The following LRRC4C variants were observed in gnomAD, a reference collection of about 807,000 sequenced individuals.
LRRC4C encodes leucine rich repeat containing 4C.
Under a neutral mutation model 33.6 loss-of-function variants are expected in LRRC4C, and 5 were observed. The ratio of observed to expected loss-of-function variants is 0.15; its 90% CI spans 0.08 to 0.31. The LOEUF (loss-of-function observed/expected upper bound fraction) is 0.31. Among genes scored for constraint, LRRC4C ranks in the 10% least tolerant of loss-of-function variants. The pLI, the probability that LRRC4C is intolerant of heterozygous loss-of-function variation, is 1.00. For synonymous variants in LRRC4C, 329 were observed against 302.0 expected, an observed-to-expected ratio of 1.09 and a Z score of -0.93; for missense variants, 560 against 796.7, an observed-to-expected ratio of 0.70 and a Z score of 3.58.
At chr11:41,347,766 T>C (rs1050825126) in intron 1 of LRRC4C, among the ~76,000 whole-genome samples, 6 of 152,230 alleles carry the variant, frequency 3.9e-5, no homozygotes, top group Non-Finnish European at 8.8e-5. Flanking sequence ...GTTTATCTCC[T>C]ATCCACATTT....
At chr11:40,758,364 G>A (rs1006870117) in intron 2 of LRRC4C, among the ~76,000 whole-genome samples, 2 of 151,946 alleles carry the variant, frequency 1.3e-5, no homozygotes, top group Non-Finnish European at 2.9e-5. Context: ...CTCTCCTCCT[G>A]CTATGTGCAT....
intron 3 of LRRC4C, among the ~76,000 whole-genome samples, chr11:40,592,323 A>C (rs987870998): frequency 2.0e-5 from 3 of 152,212 alleles, no homozygotes; most frequent in Non-Finnish European, 4.4e-5. Context: ...TGCTGTGAGC[A>C]TCATAATCAC....
intron 5 of LRRC4C, among the ~76,000 whole-genome samples, chr11:40,196,719 G>C (rs534850212): frequency 3.9e-5 from 6 of 152,260 alleles, no homozygotes; most frequent in African/African-American, 1.4e-4. Context: ...ATGAACATGG[G>C]CTCTAAGTAC....
At chr11:40,203,552 C>A (rs1409169718) in intron 5 of LRRC4C, among the ~76,000 whole-genome samples, 1 of 152,182 alleles carries the variant, frequency 6.6e-6, no homozygotes, top group Non-Finnish European at 1.5e-5. Context: ...TAGAAGCTCA[C>A]AATTTATTAG....
chr11:40,287,988 C>T (rs1334203694), intron 4 of LRRC4C, among the ~76,000 whole-genome samples: 2 of 152,180 alleles, frequency 1.3e-5, no homozygotes, highest in Non-Finnish European at 2.9e-5. Context: ...ATCTGTTTTT[C>T]TGCAAATCTA....
At chr11:41,222,840 A>C (rs1205680930) in intron 1 of LRRC4C, 1 of 151,404 alleles carries the variant, frequency 6.6e-6, no homozygotes, top group Non-Finnish European at 1.5e-5. Flanking sequence ...CAAAAAAAAA[A>C]AAAAAAAAAA....
intron 2 of LRRC4C, among the ~76,000 whole-genome samples, chr11:40,742,121 C>G (rs997531630): frequency 1.3e-5 from 2 of 151,964 alleles, no homozygotes; most frequent in African/African-American, 4.8e-5. Flanking sequence ...CAAATCAGCC[C>G]AAATCCTGTT....
At chr11:40,267,890 G>A (rs1942398693) in intron 4 of LRRC4C, among the ~76,000 whole-genome samples, 1 of 152,096 alleles carries the variant, frequency 6.6e-6, no homozygotes. Flanking sequence ...GTTATCTACA[G>A]GAACATATTT....
At chr11:40,314,815 CAT>C (rs1265116836) in intron 4 of LRRC4C, among the ~76,000 whole-genome samples, 2 of 152,152 alleles carry the variant, frequency 1.3e-5, no homozygotes, top group South Asian at 2.1e-4. Flanking sequence ...TTAAATACCA[CAT>C]GTTCTCACTC....
At chr11:41,455,174 A>G (rs1024680896) in intron 1 of LRRC4C, among the ~76,000 whole-genome samples, 1 of 152,126 alleles carries the variant, frequency 6.6e-6, no homozygotes, top group African/African-American at 2.4e-5. Context: ...AAATCACTGT[A>G]TGCTGTGCTA....
chr11:40,834,907 GACAGACACACACAC>G (rs1224222717), intron 2 of LRRC4C, among the ~76,000 whole-genome samples: 263 of 45,288 alleles, frequency 5.8e-3, no homozygotes, highest in Non-Finnish European at 0.012. Flanking sequence ...CAGACAGACA[GACAGACACACACAC>G]ACACACACAC....
chr11:40,604,353 G>A lies in LRRC4C; in HGVS notation c.-270+43789C>T, dbSNP rs552888948. 7.9e-5 allele frequency among the ~76,000 whole-genome samples: 12 copies of A among 152,048 alleles called. No individual in the cohort carries two copies. The South Asian group carries it at 2.5e-3, about 32-fold the overall frequency. Reference sequence around the variant, plus strand: ...TTTAAATGATATTATCATATATTGAGTAGTTATAATGTATTGGGTACAATA... The same window carrying A: ...TTTAAATGATATTATCATATATTGAATAGTTATAATGTATTGGGTACAATA... On this transcript the variant is annotated intron_variant, in intron 3 of 6. Coordinates refer to ENST00000528697, the MANE Select transcript of LRRC4C (RefSeq NM_001258419.2).
At chr11:41,452,391 G>C (rs1183092464) in intron 1 of LRRC4C, among the ~76,000 whole-genome samples, 1 of 152,066 alleles carries the variant, frequency 6.6e-6, no homozygotes, top group Non-Finnish European at 1.5e-5. Flanking sequence ...ATCAAAAACA[G>C]ATAAAATATA....
At chr11:40,130,431 T>G (rs1284672198) in intron 6 of LRRC4C, among the ~76,000 whole-genome samples, 2 of 152,200 alleles carry the variant, frequency 1.3e-5, no homozygotes, top group South Asian at 2.1e-4. Context: ...ACAAGTGGTC[T>G]TTTCTTTTCA....
At chr11:41,428,868 AGATGTATGT>A (rs1351035897) in intron 1 of LRRC4C, among the ~76,000 whole-genome samples, 1 of 152,116 alleles carries the variant, frequency 6.6e-6, no homozygotes, top group African/African-American at 2.4e-5. Context: ...CCACAACTGG[AGATGTATGT>A]GACTAAGCAA....
intron 3 of LRRC4C, among the ~76,000 whole-genome samples, chr11:40,502,961 C>T (rs796127711): frequency 2.0e-5 from 3 of 152,310 alleles, no homozygotes; most frequent in African/African-American, 7.2e-5. Context: ...AAACCACCCA[C>T]AACGTTGACA....
intron 2 of LRRC4C, among the ~76,000 whole-genome samples, chr11:40,686,983 G>A (rs914748100): frequency 2.6e-5 from 4 of 152,086 alleles, no homozygotes; most frequent in African/African-American, 7.2e-5. Flanking sequence ...CTTCCTGTAT[G>A]AGAACTTGCA....
At chr11:40,123,683 A>G (rs1855994073) in intron 6 of LRRC4C, among the ~76,000 whole-genome samples, 2 of 152,132 alleles carry the variant, frequency 1.3e-5, no homozygotes, top group African/African-American at 4.8e-5. Flanking sequence ...CTACAGATTC[A>G]ATGCAATCCC....
At chr11:40,302,077 T>C (rs984906275) in intron 4 of LRRC4C, among the ~76,000 whole-genome samples, 1 of 152,162 alleles carries the variant, frequency 6.6e-6, no homozygotes, top group African/African-American at 2.4e-5. Flanking sequence ...CATCAAAAAC[T>C]GTGTTAGTTT....
Sources: allele counts gnomAD v4.1 joint callset (sites outside exome capture counted in the v4.1 genomes callset), GRCh38; gene constraint gnomAD v4.1.1; transcripts MANE v1.5; gene names NCBI Gene and HGNC (gene_info 2026-07-23, HGNC 2026-07-21).